MPDZ: variants seen among roughly 807,000 people sequenced by gnomAD.
MPDZ encodes the protein multiple PDZ domain protein.
A neutral mutation model predicts 239.1 loss-of-function variants in MPDZ; 234 were observed. The observed-to-expected ratio is 0.98, with a 90% confidence interval of 0.88 to 1.09. MPDZ has a LOEUF of 1.09. Among genes scored for constraint, MPDZ ranks in the 50% least tolerant of loss-of-function variants. The probability of loss-of-function intolerance (pLI) is 0.00; values close to 1 mark genes in which losing one functional copy is unlikely to be tolerated. For synonymous variants in MPDZ, 1,048 were observed against 881.3 expected, an observed-to-expected ratio of 1.19 and a Z score of -3.35; for missense variants, 3,175 against 2,510.0, an observed-to-expected ratio of 1.26 and a Z score of -5.66.
rs571575653 is a variant in MPDZ, at chr9:13,127,623, G to C, written c.4465-851C>G. Reference sequence around the variant, plus strand: ...CACACAAGTTAAATGTGCCATCAGAGATGTTTATGGTCATGGCTGTGACAT... The same window carrying C: ...CACACAAGTTAAATGTGCCATCAGACATGTTTATGGTCATGGCTGTGACAT... On this transcript the variant is annotated intron_variant, in intron 32 of 46. Transcript: ENST00000319217. Among the ~76,000 whole-genome samples, 331 of 152,306 alleles carry C rather than the reference G, an allele frequency of 2.2e-3. 3 individuals carry two copies. The highest frequency in any genetic ancestry group is 7.6e-3 in the African/African-American group (314 of 41,572).
At chr9:13,153,515 T>C (rs1949458252) in intron 24 of MPDZ, among the ~76,000 whole-genome samples, 1 of 152,068 alleles carries the variant, frequency 6.6e-6, no homozygotes, top group African/African-American at 2.4e-5. Flanking sequence ...ATGATCATAG[T>C]CCACTGCAGC....
intron 28 of MPDZ, among the ~76,000 whole-genome samples, chr9:13,139,392 G>A (rs947752189): frequency 2.0e-5 from 3 of 152,180 alleles, no homozygotes; most frequent in African/African-American, 4.8e-5. Flanking sequence ...AATAACAGCT[G>A]CCTATGAAAG....
chr9:13,142,294 T>G (rs1481202919), intron 27 of MPDZ, among the ~76,000 whole-genome samples: 1 of 152,016 alleles, frequency 6.6e-6, no homozygotes. Context: ...GGCACAACAT[T>G]TTCATACTGT....
chr9:13,255,554 G>A (rs1020551157), intron 1 of MPDZ, among the ~76,000 whole-genome samples: 10 of 152,200 alleles, frequency 6.6e-5, no homozygotes, highest in African/African-American at 2.2e-4. Context: ...TGTGGTCCAG[G>A]GGCTGCAGAA....
rs183174653 is a variant in MPDZ at position 13,245,791 on chromosome 9, A to G, written c.183+1844T>C. On this transcript the variant is annotated intron_variant, in intron 3 of 46. Transcript: ENST00000319217. ...TGGGACCCAAATAGTCTCAGAGCCC[A>G]TATTCTACTTCCATATGGAAATGGT... Among the ~76,000 whole-genome samples the G allele has an allele frequency of 4.9e-4, 74 of 152,318 alleles. 2 individuals are homozygous for G. In the East Asian group the frequency reaches 8.7e-3, roughly 18 times the overall value.
intron 45 of MPDZ, among the ~76,000 whole-genome samples, chr9:13,109,453 T>G (rs1276098838): frequency 6.6e-6 from 1 of 152,150 alleles, no homozygotes; most frequent in Non-Finnish European, 1.5e-5. Context: ...AAAAATCAAT[T>G]ATAAGCAATG....
chr9:13,190,429 T>G, intron 15 of MPDZ, 130 bp from the exon 16 acceptor site: 1 of 764,196 alleles, frequency 1.3e-6, no homozygotes, highest in Non-Finnish European at 1.8e-6. Flanking sequence ...TAGCAACAGC[T>G]TTTCATGAAA....
intron 1 of MPDZ, among the ~76,000 whole-genome samples, chr9:13,269,658 G>T (rs1416130590): frequency 1.3e-5 from 2 of 152,190 alleles, no homozygotes. Context: ...AATAAAAGAA[G>T]TATTTTTCAT....
rs1400309019 is a variant in MPDZ, at chr9:13,138,177, T to C, written c.4004-24A>G. 13 of 1,516,002 alleles carry C rather than the reference T, an allele frequency of 8.6e-6. No homozygotes were observed. In the Admixed American group the frequency reaches 2.7e-4, roughly 32 times the overall value. The allele number at this position is 1,516,002 out of a possible 1,614,324, so 93.9% of individuals were successfully genotyped here. A position where few individuals can be genotyped will look rare whatever the true frequency, so the allele number is the denominator to read the frequency against. ...TTCTACATACAACAACAACAACAAA[T>C]ACATATTTACAGTTAATTTACAGTC... On this transcript the variant is annotated intron_variant, in intron 28 of 46. Transcript: ENST00000319217.
In MPDZ at chr9:13,137,952, C is replaced by T. The variant is rs373455909; in HGVS notation, c.4200+5G>A. On this transcript the variant is annotated splice_donor_5th_base_variant and intron_variant, in intron 29 of 46. Coordinates refer to ENST00000319217, the MANE Select transcript of MPDZ (RefSeq NM_001378778.1). ...ATAAATTCAAAATTTTCCACAAAAA[C>T]TTACCTCTAGAAGCTCATCTGCAAT... 6.2e-7 allele frequency: 1 copy of T among 1,613,422 alleles called. No homozygotes were observed. The highest frequency in any genetic ancestry group is 1.1e-5 in the South Asian group (1 of 90,992).
intron 3 of MPDZ, among the ~76,000 whole-genome samples, chr9:13,225,634 T>C (rs1455292074): frequency 3.3e-5 from 5 of 152,126 alleles, no homozygotes; most frequent in Admixed American, 6.6e-5. Flanking sequence ...ACAATTACCA[T>C]TGTGCTACAA....
intron 3 of MPDZ, among the ~76,000 whole-genome samples, chr9:13,226,122 A>T (rs533964981): frequency 6.6e-6 from 1 of 152,148 alleles, no homozygotes; most frequent in African/African-American, 2.4e-5. Context: ...AACTCGCCAC[A>T]GTTGGTATCA....
At chr9:13,223,457 G>A (rs1564071316) in intron 5 of MPDZ, 114 bp downstream of exon 5, 5 of 1,269,028 alleles carry the variant, frequency 3.9e-6, no homozygotes, top group Non-Finnish European at 5.2e-6. Flanking sequence ...GTTAATAACA[G>A]ATTATGTTCA....
In MPDZ at chr9:13,175,740, T is replaced by A. The variant is rs774053445; in HGVS notation, c.3055+12A>T. The stretch of plus-strand genomic sequence containing the variant: ...TTGAGGAGTAGGTATATGAGGAAAA[T>A]GAGAAACTTACCTAGGCTAGAATTG... On this transcript the variant is annotated intron_variant, in intron 21 of 46. Transcript: ENST00000319217. The A allele has an allele frequency of 3.2e-6, 5 of 1,565,524 alleles. No individual in the cohort carries two copies. The highest frequency in any genetic ancestry group is 4.3e-6 in the Non-Finnish European group (5 of 1,152,828).
chr9:13,117,989 C>T (rs1410680230), intron 39 of MPDZ, among the ~76,000 whole-genome samples: 1 of 151,900 alleles, frequency 6.6e-6, no homozygotes, highest in Non-Finnish European at 1.5e-5. Context: ...GGATTACAGG[C>T]ATGCGCTACC....
chr9:13,150,780 C>CA, intron 24 of MPDZ, 92 bp from the exon 25 acceptor site: 1 of 784,390 alleles, frequency 1.3e-6, no homozygotes, highest in Non-Finnish European at 1.8e-6. Flanking sequence ...TTATATATAA[C>CA]ACCAAAGGCA....
At chr9:13,178,996 A>G (rs1449406478) in intron 19 of MPDZ, among the ~76,000 whole-genome samples, 2 of 152,112 alleles carry the variant, frequency 1.3e-5, no homozygotes, top group South Asian at 4.1e-4. Flanking sequence ...GGTGTGAGAT[A>G]TGGGTCTGTC....
intron 41 of MPDZ, 129 bp from the exon 42 acceptor site, chr9:13,113,183 C>T (rs1586877444): frequency 1.4e-6 from 1 of 709,930 alleles, no homozygotes; most frequent in Non-Finnish European, 2.3e-6. Flanking sequence ...GTGCTCAAAG[C>T]TGCTAGTACA....
At position 13,162,713 on chromosome 9, in the gene MPDZ, T is replaced by A; in HGVS notation, c.3337A>T (p.Ile1113Phe). The change falls in exon 23 of 47, where the codon ATT (isoleucine) becomes TTT (phenylalanine). Residue 1113 changes from isoleucine (I) to phenylalanine (F), a missense_variant. Physicochemically the swap from Ile to Phe is conservative, Grantham distance 21 (BLOSUM62 0). Coordinates refer to ENST00000319217, the MANE Select transcript of MPDZ (RefSeq NM_001378778.1). ...TACCTGCCAGTGTATGAAGAAAAAA[T>A]ATCCAGTGCCATTACTCTTCCAGAT... ...QQSGRVMALD[I>F]FSSYTGRDIP... 3.7e-6 allele frequency: 6 copies of A among 1,609,182 alleles called. No individual in the cohort carries two copies. Among genetic ancestry groups the A allele is most frequent in the Non-Finnish European group, 5.1e-6 (6 of 1,177,056 alleles).
Sources: gnomAD v4.1 joint callset for allele counts (sites outside exome capture counted in the v4.1 genomes callset) on GRCh38, gnomAD v4.1.1 for gene constraint, MANE v1.5 for transcripts, NCBI Gene and HGNC (gene_info 2026-07-23, HGNC 2026-07-21) for gene names.